Variants in STK33 observed in about 807,000 individuals in gnomAD.
STK33 encodes the protein serine/threonine-protein kinase 33.
A neutral mutation model predicts 58.0 loss-of-function variants in STK33; 52 were observed. The ratio of observed to expected loss-of-function variants is 0.90; its 90% CI spans 0.72 to 1.13. STK33 has a LOEUF of 1.13. Ranked by LOEUF, STK33 falls within the 50% of genes most tolerant of loss-of-function variation. The probability of loss-of-function intolerance (pLI) is 0.00; values close to 1 mark genes in which losing one functional copy is unlikely to be tolerated. For missense variants in STK33, 630 were observed against 604.2 expected, an observed-to-expected ratio of 1.04 and a Z score of -0.45; for synonymous variants, 215 against 200.1, an observed-to-expected ratio of 1.07 and a Z score of -0.63.
the STK33 span, among the ~76,000 whole-genome samples, chr11:8,367,377 G>A: frequency 9.2e-5 from 14 of 152,194 alleles, no homozygotes; most frequent in African/African-American, 2.7e-4. Context: ...CCATGCTGAC[G>A]TGTGTTCACA....
intron 1 of STK33, among the ~76,000 whole-genome samples, chr11:8,491,273 T>G (rs949631961): frequency 6.6e-6 from 1 of 152,118 alleles, no homozygotes; most frequent in Non-Finnish European, 1.5e-5. Context: ...CTGAAAACCA[T>G]GGCGCAAGAA....
At chr11:8,462,903 T>TA (rs1004023278) in intron 7 of STK33, among the ~76,000 whole-genome samples, 1 of 152,110 alleles carries the variant, frequency 6.6e-6, no homozygotes, top group African/African-American at 2.4e-5. Context: ...TTATTTCTAA[T>TA]AAAAAAATCT....
intron 6 of STK33, 85 bp from the exon 7 acceptor site, chr11:8,464,907 C>A (rs533038910): frequency 2.1e-4 from 168 of 805,160 alleles, no homozygotes; most frequent in Non-Finnish European, 1.7e-4. Context: ...AGATACTCAC[C>A]CAAGGGAAAA....
chr11:8,439,960 C>A (rs1020804538), intron 12 of STK33, among the ~76,000 whole-genome samples: 2 of 146,886 alleles, frequency 1.4e-5, no homozygotes, highest in Non-Finnish European at 3.0e-5. Flanking sequence ...TTTGAAAGGA[C>A]ACCCCTGGCA....
chr11:8,577,769 T>C (rs971936940), intron 1 of STK33, among the ~76,000 whole-genome samples: 4 of 152,132 alleles, frequency 2.6e-5, no homozygotes, highest in Admixed American at 6.6e-5. Context: ...CAGTTCTTTA[T>C]ACACAAGCTT....
At chr11:8,422,508 T>G (rs1332331273) in intron 14 of STK33, among the ~76,000 whole-genome samples, 1 of 152,100 alleles carries the variant, frequency 6.6e-6, no homozygotes, top group Non-Finnish European at 1.5e-5. Flanking sequence ...TTTTGAGGGG[T>G]AGAAGAAGAG....
chr11:8,568,732 G>A (rs1476682936), intron 1 of STK33, among the ~76,000 whole-genome samples: 1 of 152,166 alleles, frequency 6.6e-6, no homozygotes, highest in African/African-American at 2.4e-5. Context: ...TAATGCAGCA[G>A]AAGGAAGATT....
chr11:8,364,746 A>G, the STK33 span, among the ~76,000 whole-genome samples: 16 of 152,312 alleles, frequency 1.1e-4, no homozygotes, highest in African/African-American at 3.6e-4. Context: ...GCTGTGTACT[A>G]CTTCATTGTA....
intron 1 of STK33, among the ~76,000 whole-genome samples, chr11:8,524,136 T>C (rs888793417): frequency 3.3e-5 from 5 of 152,114 alleles, no homozygotes; most frequent in Non-Finnish European, 5.9e-5. Context: ...TTAAGAGTCA[T>C]CACCGCTCCC....
intron 1 of STK33, among the ~76,000 whole-genome samples, chr11:8,553,886 T>C (rs1048358842): frequency 1.3e-5 from 2 of 152,050 alleles, no homozygotes; most frequent in Admixed American, 6.6e-5. Flanking sequence ...TCCATGACAT[T>C]AGACTAGGCA....
chr11:8,457,803 A>C (rs1024110869), intron 8 of STK33, among the ~76,000 whole-genome samples: 1 of 152,222 alleles, frequency 6.6e-6, no homozygotes, highest in Non-Finnish European at 1.5e-5. Flanking sequence ...GACCAGGTCT[A>C]GATGTCTGAA....
intron 1 of STK33, among the ~76,000 whole-genome samples, chr11:8,591,840 T>TG (rs374371035): frequency 5.6e-5 from 4 of 71,168 alleles, no homozygotes; most frequent in African/African-American, 2.0e-4. Context: ...TGTTGTGGGG[T>TG]GGGGGGGAGT....
the STK33 span, among the ~76,000 whole-genome samples, chr11:8,344,055 T>C: frequency 2.0e-5 from 3 of 152,066 alleles, no homozygotes; most frequent in Non-Finnish European, 4.4e-5. Context: ...CAGGAAATAA[T>C]ATAAAAATAA....
chr11:8,401,154 T>C (rs1215099901), intron 15 of STK33, among the ~76,000 whole-genome samples: 1 of 152,146 alleles, frequency 6.6e-6, no homozygotes, highest in Admixed American at 6.5e-5. Context: ...AGAGCCCACA[T>C]TGCCAAGTCA....
intron 10 of STK33, among the ~76,000 whole-genome samples, chr11:8,454,540 A>C (rs1946626151): frequency 6.6e-6 from 1 of 152,202 alleles, no homozygotes; most frequent in African/African-American, 2.4e-5. Context: ...TATGTACTTT[A>C]AAAACACATT....
intron 1 of STK33, among the ~76,000 whole-genome samples, chr11:8,570,014 T>C (rs2141102494): frequency 6.6e-6 from 1 of 152,102 alleles, no homozygotes; most frequent in South Asian, 2.1e-4. Context: ...GGAGAAAATA[T>C]TCACAATACA....
chr11:8,424,838 T>C, intron 14 of STK33, among the ~76,000 whole-genome samples: 1 of 141,564 alleles, frequency 7.1e-6, no homozygotes, highest in African/African-American at 2.8e-5. Flanking sequence ...ATGGGGTTGT[T>C]TTTTTCTTGT....
intron 1 of STK33, among the ~76,000 whole-genome samples, chr11:8,540,731 G>C (rs1010674740): frequency 6.6e-6 from 1 of 152,118 alleles, no homozygotes; most frequent in African/African-American, 2.4e-5. Flanking sequence ...TAGCTACCAT[G>C]GATGGGCAGG....
Position 8,436,212 on chromosome 11 carries a change from T to C in STK33, c.948-73A>G, listed in dbSNP as rs1449774189. 7 of 864,938 alleles carry C rather than the reference T, an allele frequency of 8.1e-6. No individual in the cohort carries two copies. The African/African-American group carries it at 1.0e-4, about 13-fold the overall frequency. 53.6% of individuals were successfully genotyped at this position (864,938 alleles called of 1,614,324 possible). ...TAAGCCTATTAAAATTAAGTTTCCA[T>C]AGGACTTGGAAGTAGTGTTGCTTCA... On this transcript the variant is annotated intron_variant, in intron 12 of 15. Transcript: ENST00000687296.
Sources: allele counts gnomAD v4.1 joint callset (sites outside exome capture counted in the v4.1 genomes callset), GRCh38; gene constraint gnomAD v4.1.1; transcripts MANE v1.5; gene names NCBI Gene and HGNC (gene_info 2026-07-23, HGNC 2026-07-21).